The following ZDHHC2 variants were observed in gnomAD, a reference collection of about 807,000 sequenced individuals.
ZDHHC2 encodes zDHHC palmitoyltransferase 2.
A neutral mutation model predicts 55.6 loss-of-function variants in ZDHHC2; 51 were observed. The observed-to-expected ratio is 0.92, with a 90% CI of 0.73 to 1.16. ZDHHC2 has a LOEUF of 1.16. ZDHHC2 is among the 50% of genes most tolerant of loss of function. The pLI, the probability that ZDHHC2 is intolerant of heterozygous loss-of-function variation, is 0.00. For synonymous variants in ZDHHC2, 199 were observed against 152.9 expected, an observed-to-expected ratio of 1.30 and a Z score of -2.22; for missense variants, 491 against 442.4, an observed-to-expected ratio of 1.11 and a Z score of -0.99.
intron 1 of ZDHHC2, among the ~76,000 whole-genome samples, chr8:17,179,821 A>C (rs535713540): frequency 6.6e-6 from 1 of 152,332 alleles, no homozygotes; most frequent in African/African-American, 2.4e-5. Flanking sequence ...CGTCAGGGCC[A>C]AGAAAGTGCT....
In ZDHHC2 at chr8:17,221,940, G is replaced by T. The variant is rs1256959845; in HGVS notation, c.*1719G>T. 1 of 145,758 alleles carries T rather than the reference G, an allele frequency of 6.9e-6. No homozygotes were observed. The highest frequency in any genetic ancestry group is 1.5e-5 in the Non-Finnish European group (1 of 66,754). 9.0% of individuals were successfully genotyped at this position (145,758 alleles called of 1,614,324 possible). ...GCTAGAAGTCTTAAAAAAACCAACA[G>T]CAGCACAGGATGTATTAAGAATTAT... On this transcript the variant is annotated 3_prime_UTR_variant, in exon 13 of 13. Coordinates refer to ENST00000262096, the MANE Select transcript of ZDHHC2 (RefSeq NM_016353.5).
chr8:17,215,677 A>G (rs951520631), intron 11 of ZDHHC2, among the ~76,000 whole-genome samples: 5 of 152,226 alleles, frequency 3.3e-5, no homozygotes, highest in Non-Finnish European at 7.3e-5. Flanking sequence ...CAAATCAGAT[A>G]GAAGATAAAT....
chr8:17,217,549 A>G (rs970980788), intron 12 of ZDHHC2, among the ~76,000 whole-genome samples: 1 of 152,158 alleles, frequency 6.6e-6, no homozygotes, highest in South Asian at 2.1e-4. Flanking sequence ...TGTAAAAATT[A>G]TCTTGTCATT....
At chr8:17,159,323 G>A (rs1174220843) in intron 1 of ZDHHC2, among the ~76,000 whole-genome samples, 2 of 152,158 alleles carry the variant, frequency 1.3e-5, no homozygotes, top group African/African-American at 2.4e-5. Flanking sequence ...TAAAACATTG[G>A]CCAAGGTTGG....
intron 6 of ZDHHC2, among the ~76,000 whole-genome samples, chr8:17,200,991 G>T (rs1806731754): frequency 6.6e-6 from 1 of 152,214 alleles, no homozygotes; most frequent in African/African-American, 2.4e-5. Context: ...ACTTGTGAAG[G>T]ATTTGATGCC....
At position 17,188,231 on chromosome 8, in the gene ZDHHC2, C is replaced by T. The variant is rs928805635; in HGVS notation, c.252+1806C>T. Among the ~76,000 whole-genome samples, 6 of 152,134 alleles carry T rather than the reference C, an allele frequency of 3.9e-5. 1 individual carries two copies. The highest frequency in any genetic ancestry group is 1.4e-4 in the African/African-American group (6 of 41,418). ...TACAGCCTGGCCTACCTTTCCTTCC[C>T]AGAACCCCACAAAACTTCATCCAAT... On this transcript the variant is annotated intron_variant, in intron 3 of 12. Transcript: ENST00000262096.
At chr8:17,166,390 T>C (rs1804601125) in intron 1 of ZDHHC2, among the ~76,000 whole-genome samples, 1 of 152,142 alleles carries the variant, frequency 6.6e-6, no homozygotes, top group Non-Finnish European at 1.5e-5. Flanking sequence ...TCAGTTGAGA[T>C]GCAGAAGGCA....
chr8:17,215,170 A>T (rs757140097), intron 10 of ZDHHC2, 67 bp from the exon 11 acceptor site: 20 of 1,436,134 alleles, frequency 1.4e-5, no homozygotes, highest in Non-Finnish European at 1.8e-5. Flanking sequence ...ATACATTGAG[A>T]AACAATCAAC....
At chr8:17,162,565 G>A (rs1386801810) in intron 1 of ZDHHC2, among the ~76,000 whole-genome samples, 1 of 152,116 alleles carries the variant, frequency 6.6e-6, no homozygotes, top group Non-Finnish European at 1.5e-5. Context: ...GCTTCTTGAG[G>A]GCTTGAGTAG....
At chr8:17,199,587 T>TCTTC (rs1563161547) in intron 6 of ZDHHC2, among the ~76,000 whole-genome samples, 1 of 113,138 alleles carries the variant, frequency 8.8e-6, no homozygotes, top group African/African-American at 3.3e-5. Context: ...TTCTTCTTCT[T>TCTTC]CTTTCTTCTT....
intron 6 of ZDHHC2, among the ~76,000 whole-genome samples, chr8:17,204,058 G>C (rs1002557070): frequency 6.6e-6 from 1 of 152,014 alleles, no homozygotes; most frequent in Non-Finnish European, 1.5e-5. Flanking sequence ...TGCCTGCCTC[G>C]GCCACCCAAA....
At chr8:17,192,727 C>T (rs144789868) in intron 3 of ZDHHC2, among the ~76,000 whole-genome samples, 3 of 152,156 alleles carry the variant, frequency 2.0e-5, no homozygotes, top group Non-Finnish European at 4.4e-5. Flanking sequence ...GTTTCCCCAA[C>T]GTTTTCTTTT....
chr8:17,213,321 T>C (rs935174739), intron 10 of ZDHHC2, among the ~76,000 whole-genome samples: 3 of 151,942 alleles, frequency 2.0e-5, no homozygotes, highest in African/African-American at 7.3e-5. Flanking sequence ...TGACGCAGTC[T>C]CGGCTCACTG....
At chr8:17,182,671 G>A (rs1327489900) in intron 1 of ZDHHC2, among the ~76,000 whole-genome samples, 2 of 151,842 alleles carry the variant, frequency 1.3e-5, no homozygotes, top group African/African-American at 4.8e-5. Context: ...AATAATAATA[G>A]CTTTAAAAAC....
At chr8:17,205,004 G>C (rs1381747870) in intron 6 of ZDHHC2, among the ~76,000 whole-genome samples, 2 of 152,078 alleles carry the variant, frequency 1.3e-5, no homozygotes, top group Admixed American at 6.5e-5. Flanking sequence ...AGCATATTTA[G>C]AGCCGACTTT....
chr8:17,190,636 A>G (rs1805975824), intron 3 of ZDHHC2, among the ~76,000 whole-genome samples: 1 of 152,146 alleles, frequency 6.6e-6, no homozygotes, highest in Admixed American at 6.5e-5. Context: ...GAAAATGAAG[A>G]CTAGGCAAAA....
In ZDHHC2 at chr8:17,207,961, A is replaced by G; in HGVS notation, c.599A>G (p.Asn200Ser). The G allele has an allele frequency of 2.0e-6, 3 of 1,523,576 alleles. No individual in the cohort carries two copies. Among genetic ancestry groups the G allele is most frequent in the Non-Finnish European group, 2.6e-6 (3 of 1,132,798 alleles). 94.4% of individuals were successfully genotyped at this position (1,523,576 alleles called of 1,614,324 possible). A position where few individuals can be genotyped will look rare whatever the true frequency, so the allele number is the denominator to read the frequency against. ...GTTATTTTCTTCCTTTCTTTATAGA[A>G]TGGCCTACCTGATACTCAAGCCAAG... ...DLQYFIKFWT[N>S]GLPDTQAKFH... Residue 200 changes from asparagine to serine, a missense_variant and splice_region_variant, in exon 8 of 13, where the codon AAT becomes AGT. Transcript: ENST00000262096.
At chr8:17,167,866 A>G (rs1168591012) in intron 1 of ZDHHC2, among the ~76,000 whole-genome samples, 2 of 126,150 alleles carry the variant, frequency 1.6e-5, no homozygotes. Flanking sequence ...AGTGAAATGC[A>G]TTTGCAGGAA....
At chr8:17,164,618 C>G (rs748375941) in intron 1 of ZDHHC2, among the ~76,000 whole-genome samples, 12 of 151,762 alleles carry the variant, frequency 7.9e-5, no homozygotes, top group Non-Finnish European at 1.5e-4. Context: ...ACCTTTTTCT[C>G]TAATTCTTTT....
Sources: allele counts gnomAD v4.1 joint callset (sites outside exome capture counted in the v4.1 genomes callset), GRCh38; gene constraint gnomAD v4.1.1; transcripts MANE v1.5; gene names NCBI Gene and HGNC (gene_info 2026-07-23, HGNC 2026-07-21).